The following RCAN2 variants were observed in gnomAD, a reference collection of about 807,000 sequenced individuals.
The protein encoded by RCAN2 is calcipressin-2.
A neutral mutation model predicts 23.6 loss-of-function variants in RCAN2; 9 were observed. The ratio of observed to expected loss-of-function variants is 0.38; its 90% CI spans 0.23 to 0.67. The LOEUF is 0.67. RCAN2 is among the 30% of genes least tolerant of loss of function. The probability of loss-of-function intolerance (pLI) is 0.51; values close to 1 mark genes in which losing one functional copy is unlikely to be tolerated. For missense variants in RCAN2, 273 were observed against 302.3 expected (o/e 0.90, Z 0.72); for synonymous variants, 109 against 115.7 (o/e 0.94, Z 0.37).
At chr6:46,452,188 CTG>C (rs1347039476) in intron 2 of RCAN2, among the ~76,000 whole-genome samples, 4 of 152,144 alleles carry the variant, frequency 2.6e-5, no homozygotes. Flanking sequence ...AACATGAACT[CTG>C]TAGTCTGGCA....
chr6:46,325,574 G>A (rs1763769203), intron 2 of RCAN2: 9 of 1,543,138 alleles, frequency 5.8e-6, no homozygotes, highest in Admixed American at 2.0e-5. Flanking sequence ...GCCAGGCCTC[G>A]GTGCTGCCTT....
chr6:46,242,590 C>G (rs1766345039), intron 4 of RCAN2, among the ~76,000 whole-genome samples: 1 of 152,214 alleles, frequency 6.6e-6, no homozygotes, highest in South Asian at 2.1e-4. Context: ...GAGTTGCTTT[C>G]CTCTGCTCCC....
At chr6:46,429,294 G>A (rs533843200) in intron 2 of RCAN2, among the ~76,000 whole-genome samples, 1 of 152,318 alleles carries the variant, frequency 6.6e-6, no homozygotes, top group South Asian at 2.1e-4. Flanking sequence ...CCACTTTAGA[G>A]GCAGCTTTGC....
intron 1 of RCAN2, among the ~76,000 whole-genome samples, chr6:46,478,171 G>A (rs960524078): frequency 3.3e-5 from 5 of 152,166 alleles, no homozygotes; most frequent in Non-Finnish European, 5.9e-5. Flanking sequence ...CTTTAATGAT[G>A]TAAACTAGAA....
chr6:46,310,312 T>C (rs567213664), intron 2 of RCAN2, among the ~76,000 whole-genome samples: 16 of 152,236 alleles, frequency 1.1e-4, no homozygotes, highest in Admixed American at 1.0e-3. Flanking sequence ...TCAGATGGTA[T>C]TATGTTGTGC....
At chr6:46,353,497 C>G (rs996973130) in intron 2 of RCAN2, among the ~76,000 whole-genome samples, 1 of 152,068 alleles carries the variant, frequency 6.6e-6, no homozygotes, top group Admixed American at 6.6e-5. Flanking sequence ...AAAATTTTAT[C>G]CCAGATAAGA....
chr6:46,229,501 C>T (rs538099259), intron 4 of RCAN2, among the ~76,000 whole-genome samples: 19 of 152,118 alleles, frequency 1.2e-4, no homozygotes, highest in Non-Finnish European at 2.6e-4. Flanking sequence ...CTTCTCTTCT[C>T]GCTTCATTTC....
chr6:46,223,362 C>T (rs936962632), intron 4 of RCAN2, 61 bp from the exon 5 acceptor site: 2 of 1,519,784 alleles, frequency 1.3e-6, no homozygotes, highest in Non-Finnish European at 1.8e-6. Context: ...GATCCTGGAG[C>T]AGGGTCTGCT....
At chr6:46,360,328 G>A (rs768905546) in intron 2 of RCAN2, among the ~76,000 whole-genome samples, 1 of 151,594 alleles carries the variant, frequency 6.6e-6, no homozygotes, top group Non-Finnish European at 1.5e-5. Flanking sequence ...GTCAGGAGGT[G>A]GAGACCATGC....
chr6:46,388,583 T>G (rs1180530551), intron 2 of RCAN2, among the ~76,000 whole-genome samples: 1 of 152,070 alleles, frequency 6.6e-6, no homozygotes. Context: ...ATAAAGAAAA[T>G]GTGGTACATA....
At chr6:46,487,859 G>A (rs1448892620) in intron 1 of RCAN2, among the ~76,000 whole-genome samples, 1 of 152,172 alleles carries the variant, frequency 6.6e-6, no homozygotes, top group Non-Finnish European at 1.5e-5. Flanking sequence ...GACCAGACAG[G>A]TACGACCTTA....
intron 2 of RCAN2, among the ~76,000 whole-genome samples, chr6:46,268,697 T>C (rs2150331647): frequency 6.6e-6 from 1 of 152,346 alleles, no homozygotes; most frequent in East Asian, 1.9e-4. Context: ...TTCCCCAGAA[T>C]ATGACTCCAT....
intron 4 of RCAN2, among the ~76,000 whole-genome samples, chr6:46,239,145 T>A (rs912493840): frequency 2.0e-5 from 3 of 152,196 alleles, no homozygotes; most frequent in South Asian, 2.1e-4. Flanking sequence ...CCTCTCTTCA[T>A]GTTGGATCTC....
chr6:46,394,215 C>T (rs528434848), intron 2 of RCAN2, among the ~76,000 whole-genome samples: 7 of 152,228 alleles, frequency 4.6e-5, no homozygotes, highest in Non-Finnish European at 8.8e-5. Flanking sequence ...GATTTAAGTC[C>T]GTGACAGGTG....
At chr6:46,239,737 T>G (rs1287950449) in intron 4 of RCAN2, among the ~76,000 whole-genome samples, 1 of 152,100 alleles carries the variant, frequency 6.6e-6, no homozygotes, top group Non-Finnish European at 1.5e-5. Context: ...AAGAGCATAC[T>G]CTGTAGTTTT....
At chr6:46,436,355 G>A (rs1767363169) in intron 2 of RCAN2, among the ~76,000 whole-genome samples, 1 of 152,212 alleles carries the variant, frequency 6.6e-6, no homozygotes, top group South Asian at 2.1e-4. Context: ...TGGGATTACA[G>A]GCGCGTGCCA....
intron 2 of RCAN2, among the ~76,000 whole-genome samples, chr6:46,280,251 G>T (rs796351099): frequency 6.6e-6 from 1 of 152,140 alleles, no homozygotes; most frequent in African/African-American, 2.4e-5. Context: ...CAGAACTAAG[G>T]CCATTCAAGG....
chr6:46,237,224 G>A (rs975068357), intron 4 of RCAN2, among the ~76,000 whole-genome samples: 3 of 152,184 alleles, frequency 2.0e-5, no homozygotes, highest in African/African-American at 4.8e-5. Context: ...TATTCCTTCT[G>A]AACCTTGCCT....
intron 2 of RCAN2, among the ~76,000 whole-genome samples, chr6:46,291,003 G>T (rs1762540790): frequency 6.6e-6 from 1 of 152,140 alleles, no homozygotes; most frequent in Non-Finnish European, 1.5e-5. Flanking sequence ...ACAAAGTGCA[G>T]CCCATTACCA....
Sources: allele counts gnomAD v4.1 joint callset (sites outside exome capture counted in the v4.1 genomes callset), GRCh38; gene constraint gnomAD v4.1.1; transcripts MANE v1.5; gene names NCBI Gene and HGNC (gene_info 2026-07-23, HGNC 2026-07-21).